Variants in PARP8 observed in about 807,000 individuals in gnomAD.
PARP8 encodes the protein poly(ADP-ribose) polymerase family member 8.
Under a neutral mutation model 124.1 loss-of-function variants are expected in PARP8, and 51 were observed. The observed-to-expected ratio is 0.41, with a 90% CI of 0.33 to 0.52. The LOEUF (loss-of-function observed/expected upper bound fraction) is 0.52. PARP8 is among the 20% of genes least tolerant of loss of function. The pLI is 0.21. For synonymous variants in PARP8, 391 were observed against 361.5 expected, an observed-to-expected ratio of 1.08 and a Z score of -0.93; for missense variants, 860 against 1,018.9, an observed-to-expected ratio of 0.84 and a Z score of 2.12.
chr5:50,759,049 A>C (rs553341367), intron 3 of PARP8, among the ~76,000 whole-genome samples: 10 of 152,110 alleles, frequency 6.6e-5, no homozygotes, highest in South Asian at 6.2e-4. Context: ...CTTCAGCTCA[A>C]ATTTTTGAAT....
At chr5:50,708,360 T>A (rs932493526) in intron 2 of PARP8, among the ~76,000 whole-genome samples, 2 of 152,114 alleles carry the variant, frequency 1.3e-5, no homozygotes, top group African/African-American at 4.8e-5. Context: ...TACTGAAACA[T>A]AGCACTCTTT....
chr5:50,793,544 C>T (rs1742192806), intron 10 of PARP8, among the ~76,000 whole-genome samples: 1 of 152,076 alleles, frequency 6.6e-6, no homozygotes, highest in Admixed American at 6.6e-5. Flanking sequence ...AACATTCTGC[C>T]TTATGATATT....
At chr5:50,761,936 G>A (rs773215263) in intron 6 of PARP8, 38 bp downstream of exon 6, 1 of 1,327,156 alleles carries the variant, frequency 7.5e-7, no homozygotes, top group Non-Finnish European at 1.1e-6. Context: ...TAGTCTTAAA[G>A]TTCTAATAGC....
intron 2 of PARP8, among the ~76,000 whole-genome samples, chr5:50,747,164 T>G (rs1333573142): frequency 1.1e-5 from 1 of 88,040 alleles, no homozygotes; most frequent in Non-Finnish European, 2.3e-5. Context: ...GTTTGTTTTG[T>G]TTTTTTTTTT....
At chr5:50,828,579 C>T (rs1210352273) in intron 21 of PARP8, among the ~76,000 whole-genome samples, 195 bp downstream of exon 21, 1 of 151,844 alleles carries the variant, frequency 6.6e-6, no homozygotes, top group African/African-American at 2.4e-5. Flanking sequence ...ATGGATCACA[C>T]AATGAAAAGA....
At chr5:50,829,315 T>A (rs1356900033) in intron 21 of PARP8, among the ~76,000 whole-genome samples, 5 of 152,190 alleles carry the variant, frequency 3.3e-5, no homozygotes, top group Admixed American at 2.6e-4. Context: ...AGATCTCATA[T>A]TATGATGACA....
chr5:50,815,389 A>C lies in PARP8; in HGVS notation c.1576-43A>C, dbSNP rs1744988865. 2.2e-6 allele frequency: 3 copies of C among 1,383,524 alleles called. 1 individual carries two copies. In the East Asian group the frequency reaches 7.7e-5, roughly 35 times the overall value. The allele number at this position is 1,383,524 out of a possible 1,614,324, so 85.7% of individuals were successfully genotyped here. On this transcript the variant is annotated intron_variant, in intron 14 of 25. Transcript: ENST00000281631. ...TTGTGAATTTAATTTTGATATTGAG[A>C]GTTGGAAAAAAGTTTTGTGATTGAT...
intron 19 of PARP8, among the ~76,000 whole-genome samples, chr5:50,827,541 C>G (rs1259358017): frequency 6.6e-6 from 1 of 152,106 alleles, no homozygotes; most frequent in East Asian, 1.9e-4. Context: ...CTTTTCTTTT[C>G]TGCTTAGCAA....
intron 14 of PARP8, among the ~76,000 whole-genome samples, chr5:50,802,513 G>A (rs1344561941): frequency 6.6e-6 from 1 of 151,946 alleles, no homozygotes; most frequent in Non-Finnish European, 1.5e-5. Context: ...TGTAGAGATG[G>A]GGTTTCACTA....
chr5:50,682,509 C>G (rs542572734), intron 2 of PARP8, among the ~76,000 whole-genome samples: 3 of 152,080 alleles, frequency 2.0e-5, no homozygotes, highest in Admixed American at 2.0e-4. Flanking sequence ...TGATAACTAC[C>G]TTGTTACTGC....
intron 2 of PARP8, chr5:50,739,218 C>T: frequency 1.7e-6 from 1 of 592,620 alleles, no homozygotes; most frequent in Non-Finnish European, 3.1e-6. Flanking sequence ...ATCCTGATGG[C>T]TTATCCAGTC....
In PARP8 at chr5:50,832,816, G is replaced by A. The variant is rs1248573702; in HGVS notation, c.2269G>A (p.Glu757Lys). 6.8e-6 allele frequency: 11 copies of A among 1,613,510 alleles called. No individual in the cohort carries two copies. Among genetic ancestry groups the A allele is most frequent in the African/African-American group, 1.3e-5 (1 of 75,014 alleles). Residue 757 changes from glutamate to lysine, a missense_variant, in exon 23 of 26, where the codon GAG becomes AAG. Physicochemically the swap from Glu to Lys is moderately conservative, Grantham distance 56 (BLOSUM62 1). Around this residue, in one of 2 missense-constraint regions of PARP8, gnomAD observed 343 missense variants for 474.7 expected, o/e 0.72. Transcript: ENST00000281631. ...GAAACAGAAGGTGTCAGCCAAGGAC[G>A]AGCCAGCTTCAAGCAGTAAAAGCAG... ...NKKQKVSAKD[E>K]PASSSKSSNT...
At chr5:50,755,811 G>A (rs893676660) in intron 3 of PARP8, among the ~76,000 whole-genome samples, 6 of 152,178 alleles carry the variant, frequency 3.9e-5, no homozygotes, top group Non-Finnish European at 8.8e-5. Context: ...TCCTATCCAT[G>A]AGCATGGAAT....
chr5:50,708,324 T>G (rs1416864678), intron 2 of PARP8, among the ~76,000 whole-genome samples: 1 of 152,156 alleles, frequency 6.6e-6, no homozygotes, highest in Non-Finnish European at 1.5e-5. Context: ...ATATTCTCTT[T>G]TCTGGATGCC....
intron 2 of PARP8, among the ~76,000 whole-genome samples, chr5:50,731,449 C>T (rs759729954): frequency 4.6e-5 from 7 of 152,204 alleles, no homozygotes; most frequent in Non-Finnish European, 8.8e-5. Context: ...AGGTCTGGCT[C>T]ATCTAAATCT....
At chr5:50,759,252 C>T (rs925739688) in intron 3 of PARP8, among the ~76,000 whole-genome samples, 2 of 151,942 alleles carry the variant, frequency 1.3e-5, no homozygotes, top group African/African-American at 4.8e-5. Context: ...GCAACAAATG[C>T]TCTTTTTCAG....
At chr5:50,764,885 A>G (rs1760902878) in intron 7 of PARP8, among the ~76,000 whole-genome samples, 2 of 151,666 alleles carry the variant, frequency 1.3e-5, no homozygotes, top group African/African-American at 4.8e-5. Context: ...ACAATAATCT[A>G]CATCTCGATA....
intron 2 of PARP8, among the ~76,000 whole-genome samples, chr5:50,737,773 C>T (rs1264870331): frequency 1.3e-5 from 2 of 152,116 alleles, no homozygotes; most frequent in Non-Finnish European, 2.9e-5. Context: ...TGTTAAATGG[C>T]CACCTTTACT....
chr5:50,841,790 T>C (rs1306660362), intron 25 of PARP8, among the ~76,000 whole-genome samples, 176 bp from the exon 26 acceptor site: 1 of 151,604 alleles, frequency 6.6e-6, no homozygotes, highest in Non-Finnish European at 1.5e-5. Context: ...TGACATAGAA[T>C]GGGCTGTTCT....
Sources: allele counts gnomAD v4.1 joint callset (sites outside exome capture counted in the v4.1 genomes callset), GRCh38; gene constraint gnomAD v4.1.1; regional missense constraint gnomAD v4.1.1; transcripts MANE v1.5; gene names NCBI Gene and HGNC (gene_info 2026-07-23, HGNC 2026-07-21).